The following ZBBX variants were observed in gnomAD, a reference collection of about 807,000 sequenced individuals.
The protein encoded by ZBBX is zinc finger B-box domain-containing protein 1.
A neutral mutation model predicts 108.5 loss-of-function variants in ZBBX; 101 were observed. The ratio of observed to expected loss-of-function variants is 0.93; its 90% CI spans 0.79 to 1.10. The LOEUF (loss-of-function observed/expected upper bound fraction) is 1.10, where lower values mean the gene tolerates loss of function less well. Among genes scored for constraint, ZBBX ranks in the 50% least tolerant of loss-of-function variants. The probability of loss-of-function intolerance (pLI) is 0.00; values close to 1 mark genes in which losing one functional copy is unlikely to be tolerated. For synonymous variants in ZBBX, 356 were observed against 323.4 expected, an observed-to-expected ratio of 1.10 and a Z score of -1.08; for missense variants, 1,009 against 941.4, an observed-to-expected ratio of 1.07 and a Z score of -0.94.
At chr3:167,261,801 TG>T (rs1244126542) in intron 20 of ZBBX, among the ~76,000 whole-genome samples, 2 of 119,680 alleles carry the variant, frequency 1.7e-5, no homozygotes, top group Non-Finnish European at 3.5e-5. Flanking sequence ...AAAAAAAAAG[TG>T]GGGGCGGGGG....
At chr3:167,391,751 A>G (rs967808091) in intron 1 of ZBBX, among the ~76,000 whole-genome samples, 3 of 151,878 alleles carry the variant, frequency 2.0e-5, no homozygotes, top group African/African-American at 7.2e-5. Context: ...TACTTTACAT[A>G]CAATAAATCA....
chr3:167,383,432 C>A (rs1747809812), upstream of ZBBX, among the ~76,000 whole-genome samples: 1 of 151,952 alleles, frequency 6.6e-6, no homozygotes, highest in African/African-American at 2.4e-5. Context: ...TACAAAAAAT[C>A]CTTAGCAAAA....
intron 15 of ZBBX, 33 bp from the exon 16 acceptor site, chr3:167,314,149 G>C: frequency 6.6e-7 from 1 of 1,506,388 alleles, no homozygotes; most frequent in Non-Finnish European, 8.8e-7. Flanking sequence ...AAATAATAGA[G>C]TTGAAAAAAT....
chr3:167,208,162 T>G, the ZBBX span, among the ~76,000 whole-genome samples: 4 of 152,188 alleles, frequency 2.6e-5, no homozygotes, highest in Admixed American at 2.0e-4. Flanking sequence ...GGTTGAAACT[T>G]AAGTTCTAGC....
At chr3:167,210,199 G>C in the ZBBX span, among the ~76,000 whole-genome samples, 1 of 152,068 alleles carries the variant, frequency 6.6e-6, no homozygotes, top group East Asian at 1.9e-4. Context: ...ATTTAACAAA[G>C]AGATTGAAAT....
rs58918452 is a variant in ZBBX, at chr3:167,402,785, T to TA, written c.-446+4940dup. 4.9e-3 allele frequency among the ~76,000 whole-genome samples: 664 copies of TA among 134,762 alleles called. 2 individuals are homozygous for TA. The highest frequency in any genetic ancestry group is 9.4e-3 in the South Asian group (44 of 4,686). The allele number at this position is 134,762 out of a possible 152,430, so 88.4% of individuals were successfully genotyped here. A position where few individuals can be genotyped will look rare whatever the true frequency, so the allele number is the denominator to read the frequency against. The stretch of plus-strand genomic sequence containing the variant: ...TTATATATCTGTAAACTACAATATG[T>TA]AAAAAAAAAAAATAGATGAACTATA... On this transcript the variant is annotated intron_variant, in intron 1 of 21. Transcript: ENST00000455345.
chr3:167,246,781 GTT>G (rs771622983), intron 20 of ZBBX, among the ~76,000 whole-genome samples: 1 of 152,072 alleles, frequency 6.6e-6, no homozygotes, highest in Non-Finnish European at 1.5e-5. Context: ...TTATAAGTAA[GTT>G]ATACCAATAT....
intron 20 of ZBBX, among the ~76,000 whole-genome samples, chr3:167,266,685 T>C (rs1725559006): frequency 6.6e-6 from 1 of 152,248 alleles, no homozygotes; most frequent in African/African-American, 2.4e-5. Context: ...CTTTGTTCAG[T>C]GTGCACTTGC....
At chr3:167,216,123 G>A in the ZBBX span, among the ~76,000 whole-genome samples, 3 of 152,034 alleles carry the variant, frequency 2.0e-5, no homozygotes, top group African/African-American at 7.2e-5. Context: ...GGAAGTTCTA[G>A]CCAGAGCAAT....
intron 20 of ZBBX, among the ~76,000 whole-genome samples, chr3:167,272,206 C>T (rs1726648872): frequency 1.3e-5 from 2 of 152,140 alleles, no homozygotes; most frequent in Admixed American, 6.5e-5. Context: ...TTATGAAATG[C>T]CCTATGGACT....
At chr3:167,254,490 A>G (rs749818777) in intron 20 of ZBBX, among the ~76,000 whole-genome samples, 13 of 152,220 alleles carry the variant, frequency 8.5e-5, no homozygotes, top group Non-Finnish European at 1.6e-4. Flanking sequence ...AGTGATAAAG[A>G]GTACACTATA....
chr3:167,251,211 C>T (rs780061432), intron 20 of ZBBX, among the ~76,000 whole-genome samples: 75 of 152,284 alleles, frequency 4.9e-4, no homozygotes, highest in Admixed American at 7.8e-4. Flanking sequence ...GCTACTTCTA[C>T]TCAATAAAAC....
At chr3:167,276,665 A>G (rs761724839) in intron 20 of ZBBX, among the ~76,000 whole-genome samples, 2 of 152,226 alleles carry the variant, frequency 1.3e-5, no homozygotes, top group Non-Finnish European at 2.9e-5. Context: ...GTTGGAAAAC[A>G]CCCTGCAGGA....
chr3:167,227,779 T>C, the ZBBX span, among the ~76,000 whole-genome samples: 2 of 151,834 alleles, frequency 1.3e-5, no homozygotes, highest in South Asian at 2.1e-4. Context: ...CAAGCCTACA[T>C]GTATCCCATT....
rs374109035 is a variant in ZBBX at position 167,239,977 on chromosome 3, G to T, written c.*816C>A. ...AGCAAAGAGAAGTCCTGAGCAAAAG[G>T]GGGGACAGCCCCTTATAAAACCATC... is the stretch of plus-strand genomic sequence containing the variant. On this transcript the variant is annotated 3_prime_UTR_variant, in exon 22 of 22. Coordinates refer to ENST00000675490, the MANE Select transcript of ZBBX (RefSeq NM_001199201.2). 4.6e-5 allele frequency among the ~76,000 whole-genome samples: 7 copies of T among 152,014 alleles called. No homozygotes were observed. The highest frequency in any genetic ancestry group is 1.4e-4 in the African/African-American group (6 of 41,406).
intron 20 of ZBBX, among the ~76,000 whole-genome samples, chr3:167,274,950 T>C (rs1402690387): frequency 6.6e-6 from 1 of 152,156 alleles, no homozygotes; most frequent in Non-Finnish European, 1.5e-5. Context: ...CAAAAGAAAA[T>C]TGCCTTGATG....
At chr3:167,355,761 G>A (rs938590020) in intron 8 of ZBBX, among the ~76,000 whole-genome samples, 7 of 151,788 alleles carry the variant, frequency 4.6e-5, no homozygotes, top group African/African-American at 1.7e-4. Context: ...ATTATGTTTT[G>A]ACAACTAACA....
At chr3:167,227,807 T>A in the ZBBX span, among the ~76,000 whole-genome samples, 1 of 151,728 alleles carries the variant, frequency 6.6e-6, no homozygotes, top group Non-Finnish European at 1.5e-5. Context: ...AGCCCTGTTT[T>A]GATGACTACA....
At chr3:167,305,553 A>G in intron 17 of ZBBX, 90 bp downstream of exon 17, 1 of 1,009,324 alleles carries the variant, frequency 9.9e-7, no homozygotes, top group Non-Finnish European at 1.3e-6. Flanking sequence ...CTTTAATAGG[A>G]AGTAACTTGA....
Sources: gnomAD v4.1 joint callset for allele counts (sites outside exome capture counted in the v4.1 genomes callset) on GRCh38, gnomAD v4.1.1 for gene constraint, MANE v1.5 for transcripts, NCBI Gene and HGNC (gene_info 2026-07-23, HGNC 2026-07-21) for gene names.